The following ERCC4 variants were observed in gnomAD, a reference collection of about 807,000 sequenced individuals.
The protein encoded by ERCC4 is DNA repair endonuclease XPF.
A neutral mutation model predicts 76.9 loss-of-function variants in ERCC4; 65 were observed. That is an observed-to-expected ratio of 0.84 (90% CI 0.69 to 1.04). The LOEUF (loss-of-function observed/expected upper bound fraction) is 1.04, where lower values mean the gene tolerates loss of function less well. Among genes scored for constraint, ERCC4 ranks in the 50% least tolerant of loss-of-function variants. ERCC4 has a pLI of 0.00. For missense variants in ERCC4, 1,214 were observed against 1,128.2 expected, an observed-to-expected ratio of 1.08 and a Z score of -1.09; for synonymous variants, 463 against 410.1, an observed-to-expected ratio of 1.13 and a Z score of -1.56.
intron 8 of ERCC4, among the ~76,000 whole-genome samples, chr16:13,936,912 C>CTT (rs1182142266): frequency 2.9e-5 from 4 of 138,056 alleles, no homozygotes; most frequent in Non-Finnish European, 6.3e-5. Flanking sequence ...TTTTTTTTTC[C>CTT]TTTTTTTTTT....
rs1352914979 is a variant in ERCC4, at chr16:13,928,211, T to C, written c.768T>C (p.Asn256=). Residue 256 remains asparagine, a synonymous_variant, in exon 4 of 11, where the codon AAT becomes AAC. Coordinates refer to ENST00000311895, the MANE Select transcript of ERCC4 (RefSeq NM_005236.3). ...AAGTGGAAGATTTATCTTTAGAAAA[T>C]GCTATTGGAAAACCTTTTGACAAGG... is the stretch of plus-strand genomic sequence containing the variant. ...SLEVEDLSLE[N]AIGKPFDKTI... 1 of 1,613,172 alleles carries C rather than the reference T, an allele frequency of 6.2e-7. No individual in the cohort carries two copies.
chr16:13,939,158 C>G (rs925582121), intron 9 of ERCC4, among the ~76,000 whole-genome samples: 2 of 152,152 alleles, frequency 1.3e-5, no homozygotes, highest in Non-Finnish European at 2.9e-5. Flanking sequence ...GGCATTATAC[C>G]AGCCGCCTCT....
chr16:13,934,742 T>C (rs1158128741), intron 7 of ERCC4: 1 of 240,374 alleles, frequency 4.2e-6, no homozygotes, highest in Non-Finnish European at 8.2e-6. Context: ...CAATATGTAA[T>C]GAGCCGGTAC....
intron 4 of ERCC4, 148 bp from the exon 5 acceptor site, chr16:13,930,562 T>G: frequency 3.2e-6 from 2 of 620,546 alleles, no homozygotes; most frequent in Non-Finnish European, 5.6e-6. Context: ...TGCAGTTTTT[T>G]TATTGTAGTA....
intron 10 of ERCC4, among the ~76,000 whole-genome samples, chr16:13,946,409 G>C (rs978251933): frequency 6.6e-6 from 1 of 152,154 alleles, no homozygotes; most frequent in African/African-American, 2.4e-5. Flanking sequence ...GAATACTCTA[G>C]GCAACTGTAA....
Position 13,935,517 on chromosome 16 carries a change from AT to A in ERCC4, c.1587del (p.Lys530SerfsTer7), listed in dbSNP as rs2032269955. On this transcript the variant is annotated frameshift_variant, in exon 8 of 11. Transcript: ENST00000311895. LOFTEE classifies it high-confidence loss of function. Reference sequence around the variant, plus strand: ...TAGCCCAGAAAGCTGCCCGGAAGAAATTAAGCATGAAGAATTTGATGTAAAT... The same window carrying A: ...TAGCCCAGAAAGCTGCCCGGAAGAAATAAGCATGAAGAATTTGATGTAAAT... ...SSSPESCPEE[I>X]KHEEFDVNLS... is the part of the protein sequence containing the mutation. The A allele has an allele frequency of 6.2e-7, 1 of 1,614,194 alleles. No individual in the cohort carries two copies. Among genetic ancestry groups the A allele is most frequent in the Non-Finnish European group, 8.5e-7 (1 of 1,180,030 alleles).
intron 8 of ERCC4, among the ~76,000 whole-genome samples, chr16:13,936,249 G>A (rs532977127): frequency 5.3e-5 from 8 of 152,324 alleles, no homozygotes; most frequent in African/African-American, 1.9e-4. Context: ...AGAAATATCA[G>A]ATGAGAAAAT....
intron 9 of ERCC4, among the ~76,000 whole-genome samples, chr16:13,939,913 G>A (rs917095882): frequency 2.6e-5 from 4 of 152,064 alleles, no homozygotes; most frequent in Admixed American, 1.3e-4. Flanking sequence ...CCAAGTTTTC[G>A]CTCATTAAAA....
intron 9 of ERCC4, among the ~76,000 whole-genome samples, chr16:13,938,284 C>T (rs757120756): frequency 1.3e-5 from 2 of 152,172 alleles, no homozygotes; most frequent in Non-Finnish European, 2.9e-5. Flanking sequence ...TTTTACAACA[C>T]AGCCAATTAT....
chr16:13,930,728 G>A lies in ERCC4; in HGVS notation c.811G>A (p.Asp271Asn), dbSNP rs1184125129. 6.2e-7 allele frequency: 1 copy of A among 1,613,672 alleles called. No individual in the cohort carries two copies. The highest frequency in any genetic ancestry group is 1.3e-5 in the African/African-American group (1 of 74,988). Reference protein sequence around the residue: ...PFDKTIRHYLDPLWHQLGAKT... With the variant: ...PFDKTIRHYLNPLWHQLGAKT... ...GTTTTAGACAATCCGCCATTATCTG[G>A]ATCCTTTGTGGCACCAGCTTGGAGC... is the stretch of plus-strand genomic sequence containing the variant. The change falls in exon 5 of 11, where the codon GAT (aspartate) becomes AAT (asparagine). Residue 271 changes from aspartate (D) to asparagine (N), a missense_variant. Asp to Asn is a conservative substitution (Grantham distance 23, BLOSUM62 1). Transcript: ENST00000311895.
chr16:13,926,593 G>A lies in ERCC4; in HGVS notation c.421G>A (p.Glu141Lys), dbSNP rs760865964. The part of the protein sequence containing the change: ...ILVYRAHRII[E>K]SCQEAFILRL... ...GGTGTATAGAGCCCACAGAATAATCGAGTCTTGTCAAGAAGCATTCATCTT... is the reference window on the plus strand; with the variant it reads ...GGTGTATAGAGCCCACAGAATAATCAAGTCTTGTCAAGAAGCATTCATCTT... The change falls in exon 3 of 11, where the codon GAG becomes AAG. Residue 141 changes from glutamate to lysine, a missense_variant. Glu to Lys is a moderately conservative substitution (Grantham distance 56). Coordinates refer to ENST00000311895, the MANE Select transcript of ERCC4 (RefSeq NM_005236.3). 9.3e-6 allele frequency: 15 copies of A among 1,613,966 alleles called. No individual in the cohort carries two copies. The highest frequency in any genetic ancestry group is 3.3e-4 in the Middle Eastern group (2 of 6,082).
At chr16:13,940,684 C>G (rs781427998) in intron 9 of ERCC4, among the ~76,000 whole-genome samples, 1 of 152,210 alleles carries the variant, frequency 6.6e-6, no homozygotes, top group East Asian at 1.9e-4. Flanking sequence ...CAGACATTTA[C>G]GATAAATCAC....
intron 9 of ERCC4, among the ~76,000 whole-genome samples, chr16:13,942,680 C>G (rs78746928): frequency 6.6e-6 from 1 of 151,766 alleles, no homozygotes. Context: ...GGTCACGTGG[C>G]CAGTAAATGG....
chr16:13,926,199 T>C (rs2032069250), intron 2 of ERCC4, among the ~76,000 whole-genome samples: 1 of 152,184 alleles, frequency 6.6e-6, no homozygotes, highest in African/African-American at 2.4e-5. Flanking sequence ...CCAGGGCCTG[T>C]GCCCTCACTG....
rs767738598 is a variant in ERCC4, at chr16:13,920,196, G to T, written c.31G>T (p.Ala11Ser). Residue 11 changes from alanine (A) to serine (S), a missense_variant, in exon 1 of 11, where the codon GCC becomes TCC. Coordinates refer to ENST00000311895, the MANE Select transcript of ERCC4 (RefSeq NM_005236.3). MESGQPARRI[A>S]MAPLLEYERQ... ...GTCAGGGCAGCCGGCTCGACGGATT[G>T]CCATGGCGCCGCTGCTGGAGTACGA... 1 of 1,606,892 alleles carries T rather than the reference G, an allele frequency of 6.2e-7. No individual in the cohort carries two copies. The highest frequency in any genetic ancestry group is 1.1e-5 in the South Asian group (1 of 91,066).
At position 13,935,432 on chromosome 16, in the gene ERCC4, A is replaced by C. The variant is rs777944273; in HGVS notation, c.1500A>C (p.Lys500Asn). 4.3e-6 allele frequency: 7 copies of C among 1,613,966 alleles called. No individual in the cohort carries two copies. The South Asian group carries it at 7.7e-5, about 18-fold the overall frequency. The part of the protein sequence containing the change: ...RKLTLTQMVG[K>N]PEELEEEGDV... ...TGACCTTAACTCAAATGGTAGGAAA[A>C]CCTGAAGAACTGGAAGAGGAAGGAG... Residue 500 changes from lysine (K) to asparagine (N), a missense_variant, in exon 8 of 11, where the codon AAA becomes AAC. Coordinates refer to ENST00000311895, the MANE Select transcript of ERCC4 (RefSeq NM_005236.3).
At chr16:13,922,251 AC>A in intron 2 of ERCC4, 40 bp downstream of exon 2, 1 of 1,359,670 alleles carries the variant, frequency 7.4e-7, no homozygotes, top group Non-Finnish European at 1.0e-6. Flanking sequence ...GTAAATTTGT[AC>A]TTTTTTTTTT....
intron 7 of ERCC4, 182 bp from the exon 8 acceptor site, chr16:13,934,952 GATTTAAGTAATC>G: frequency 1.8e-6 from 1 of 557,298 alleles, no homozygotes; most frequent in Non-Finnish European, 3.2e-6. Context: ...TTACTGAAAA[GATTTAAGTAATC>G]TTGCCAGAGA....
rs1186624941 is a variant in ERCC4 at position 13,949,971 on chromosome 16, T to C, written c.*1624T>C. The C allele has an allele frequency of 4.7e-6, 1 of 214,844 alleles. No individual in the cohort carries two copies. The highest frequency in any genetic ancestry group is 1.9e-4 in the South Asian group (1 of 5,340). The allele number at this position is 214,844 out of a possible 1,614,324, so 13.3% of individuals were successfully genotyped here. On this transcript the variant is annotated 3_prime_UTR_variant, in exon 11 of 11. Transcript: ENST00000311895. ...AACTTTAACAAAATTGTCATTGTTATTTTTTTTTGAGACAGAGTCTCCCTC... is the reference window on the plus strand; with the variant it reads ...AACTTTAACAAAATTGTCATTGTTACTTTTTTTTGAGACAGAGTCTCCCTC...
Sources: gnomAD v4.1 joint callset for allele counts (sites outside exome capture counted in the v4.1 genomes callset) on GRCh38, gnomAD v4.1.1 for gene constraint, MANE v1.5 for transcripts, NCBI Gene and HGNC (gene_info 2026-07-23, HGNC 2026-07-21) for gene names.